Variants in SKAP2 observed in about 807,000 individuals in gnomAD.
SKAP2 encodes the protein src kinase associated phosphoprotein 2.
Under a neutral mutation model 54.9 loss-of-function variants are expected in SKAP2, and 28 were observed. The observed-to-expected ratio is 0.51, with a 90% CI of 0.38 to 0.70. The LOEUF is 0.70. Ranked by LOEUF, SKAP2 falls within the 30% of genes least tolerant of loss-of-function variation. The pLI is 0.00. For missense variants in SKAP2, 356 were observed against 424.1 expected, an observed-to-expected ratio of 0.84 and a Z score of 1.41; for synonymous variants, 137 against 134.3, an observed-to-expected ratio of 1.02 and a Z score of -0.14.
At chr7:26,799,139 G>A (rs1194339052) in intron 4 of SKAP2, among the ~76,000 whole-genome samples, 1 of 131,378 alleles carries the variant, frequency 7.6e-6, no homozygotes, top group Non-Finnish European at 1.7e-5. Context: ...GCAAGGCAAG[G>A]CAAGGCAAGA....
Position 26,668,487 on chromosome 7 carries a change from C to T in SKAP2, c.*1179G>A, listed in dbSNP as rs990515692. ...ACTCACCTGTTGGTACATGCTACCA[C>T]TGGGATTTCTACACTCTCCTCTGCA... On this transcript the variant is annotated 3_prime_UTR_variant, in exon 13 of 13. Coordinates refer to ENST00000345317, the MANE Select transcript of SKAP2 (RefSeq NM_003930.5). 1.3e-5 allele frequency: 2 copies of T among 152,288 alleles called. No homozygotes were observed. Among genetic ancestry groups the T allele is most frequent in the South Asian group, 4.1e-4 (2 of 4,832 alleles). The allele number at this position is 152,288 out of a possible 1,614,324, so 9.4% of individuals were successfully genotyped here.
At chr7:26,826,899 A>G (rs983184665) in intron 4 of SKAP2, among the ~76,000 whole-genome samples, 43 of 152,096 alleles carry the variant, frequency 2.8e-4, no homozygotes, top group African/African-American at 9.7e-4. Context: ...ACCCTTTCTT[A>G]CTACTTTTAT....
At chr7:26,763,209 CAA>C (rs1183982143) in intron 4 of SKAP2, among the ~76,000 whole-genome samples, 1 of 151,356 alleles carries the variant, frequency 6.6e-6, no homozygotes, top group Admixed American at 6.6e-5. Context: ...TGGATAAAAC[CAA>C]AGTTACCAAG....
chr7:26,826,168 C>G (rs1784490715), intron 4 of SKAP2, among the ~76,000 whole-genome samples: 1 of 151,872 alleles, frequency 6.6e-6, no homozygotes, highest in South Asian at 2.1e-4. Context: ...TTAGAATAAG[C>G]ACATAACCCA....
At chr7:26,680,594 C>A (rs1381930151) in intron 11 of SKAP2, among the ~76,000 whole-genome samples, 1 of 152,108 alleles carries the variant, frequency 6.6e-6, no homozygotes, top group Non-Finnish European at 1.5e-5. Context: ...AAATTTGATC[C>A]ATTTTTTAAG....
At chr7:26,674,788 A>T (rs1562571171) in intron 11 of SKAP2, among the ~76,000 whole-genome samples, 1 of 152,176 alleles carries the variant, frequency 6.6e-6, no homozygotes, top group Non-Finnish European at 1.5e-5. Context: ...AAAGCAAGAG[A>T]GACAAAAACA....
intron 4 of SKAP2, among the ~76,000 whole-genome samples, chr7:26,801,985 C>T (rs1003679117): frequency 1.3e-5 from 2 of 151,864 alleles, no homozygotes; most frequent in African/African-American, 4.8e-5. Context: ...ACATTCTTCC[C>T]CAAAACAGAA....
intron 9 of SKAP2, among the ~76,000 whole-genome samples, chr7:26,723,177 C>G (rs1330203063): frequency 1.3e-5 from 2 of 152,182 alleles, no homozygotes; most frequent in Non-Finnish European, 2.9e-5. Context: ...AAAAAAGTTA[C>G]CTTCCTAGTT....
rs531506962 is a variant in SKAP2 at position 26,841,345 on chromosome 7, A to AT, written c.307+2684dup. On this transcript the variant is annotated intron_variant, in intron 4 of 12. Transcript: ENST00000345317. Reference sequence around the variant, plus strand: ...TTGCTATCAATCAGGCAGTTGGCCAATAAAAAAAAAAAGGCAGGCTGAAAA... The same window carrying AT: ...TTGCTATCAATCAGGCAGTTGGCCAATTAAAAAAAAAAAGGCAGGCTGAAAA... Among the ~76,000 whole-genome samples, 576 of 152,086 alleles carry AT rather than the reference A, an allele frequency of 3.8e-3. 6 individuals carry two copies. The highest frequency in any genetic ancestry group is 6.7e-3 in the Non-Finnish European group (452 of 67,916).
chr7:26,741,881 TA>T (rs1020265743), intron 4 of SKAP2, among the ~76,000 whole-genome samples: 2 of 152,064 alleles, frequency 1.3e-5, no homozygotes, highest in African/African-American at 4.8e-5. Flanking sequence ...TATTTTTTCT[TA>T]AGAAATAAAG....
intron 9 of SKAP2, among the ~76,000 whole-genome samples, chr7:26,697,216 G>A (rs1261984406): frequency 1.3e-5 from 2 of 152,126 alleles, no homozygotes; most frequent in South Asian, 2.1e-4. Flanking sequence ...TCTGTGCACC[G>A]CAGACATTTC....
chr7:26,677,973 T>C (rs1204156167), intron 11 of SKAP2, among the ~76,000 whole-genome samples: 5 of 152,196 alleles, frequency 3.3e-5, no homozygotes, highest in Admixed American at 3.3e-4. Context: ...AAAGTTAAAG[T>C]CCTAATCAAG....
intron 3 of SKAP2, among the ~76,000 whole-genome samples, chr7:26,849,227 CA>C (rs1326950871): frequency 6.6e-6 from 1 of 152,058 alleles, no homozygotes; most frequent in Non-Finnish European, 1.5e-5. Context: ...GTGAGAAGGT[CA>C]AAGGAAACTG....
rs112636242 is a variant in SKAP2 at position 26,804,061 on chromosome 7, G to A, written c.307+39969C>T. Among the ~76,000 whole-genome samples, 694 of 152,244 alleles carry A rather than the reference G, an allele frequency of 4.6e-3. 2 individuals carry two copies. Among genetic ancestry groups the A allele is most frequent in the South Asian group, 0.015 (70 of 4,820 alleles). ...ACCTACTATTGAATAGCACAATAGG[G>A]TGATTATAGTCAACAGTAACTTAAT... On this transcript the variant is annotated intron_variant, in intron 4 of 12. Transcript: ENST00000345317.
the SKAP2 span, among the ~76,000 whole-genome samples, chr7:26,658,431 G>A: frequency 6.6e-6 from 1 of 152,054 alleles, no homozygotes; most frequent in East Asian, 1.9e-4. Flanking sequence ...TTTCCAAAAT[G>A]GGCTGTTTTC....
chr7:26,687,261 A>G (rs187799482), intron 10 of SKAP2, among the ~76,000 whole-genome samples: 1 of 151,182 alleles, frequency 6.6e-6, no homozygotes, highest in African/African-American at 2.4e-5. Flanking sequence ...CTCTCCCTAG[A>G]TGTGCATCAT....
chr7:26,782,610 G>C (rs1783451909), intron 4 of SKAP2, among the ~76,000 whole-genome samples: 1 of 152,080 alleles, frequency 6.6e-6, no homozygotes, highest in African/African-American at 2.4e-5. Context: ...TAGATCACTT[G>C]AGTCTAGGAA....
At chr7:26,770,229 C>T (rs1783157198) in intron 4 of SKAP2, among the ~76,000 whole-genome samples, 1 of 152,156 alleles carries the variant, frequency 6.6e-6, no homozygotes, top group African/African-American at 2.4e-5. Context: ...CCAGTTTGAA[C>T]TTCTGGGTGG....
intron 9 of SKAP2, among the ~76,000 whole-genome samples, chr7:26,700,750 G>T (rs1787002386): frequency 6.6e-6 from 1 of 152,174 alleles, no homozygotes; most frequent in African/African-American, 2.4e-5. Flanking sequence ...CTGTCTTAGA[G>T]TCTGTTTCAG....
Sources: gnomAD v4.1 joint callset for allele counts (sites outside exome capture counted in the v4.1 genomes callset) on GRCh38, gnomAD v4.1.1 for gene constraint, MANE v1.5 for transcripts, NCBI Gene and HGNC (gene_info 2026-07-23, HGNC 2026-07-21) for gene names.